RFX6: variants seen among roughly 807,000 people sequenced by gnomAD.
RFX6 encodes regulatory factor X6, also known as DNA-binding protein RFX6.
A neutral mutation model predicts 110.8 loss-of-function variants in RFX6; 50 were observed. The ratio of observed to expected loss-of-function variants is 0.45; its 90% CI spans 0.36 to 0.57. The LOEUF (loss-of-function observed/expected upper bound fraction) is 0.57. Among genes scored for constraint, RFX6 ranks in the 20% least tolerant of loss-of-function variants. The pLI is 0.00. For missense variants in RFX6, 990 were observed against 1,127.0 expected, an observed-to-expected ratio of 0.88 and a Z score of 1.74; for synonymous variants, 383 against 411.2, an observed-to-expected ratio of 0.93 and a Z score of 0.83.
chr6:116,922,698 G>A (rs1345362284), intron 13 of RFX6, among the ~76,000 whole-genome samples: 1 of 152,060 alleles, frequency 6.6e-6, no homozygotes, highest in Non-Finnish European at 1.5e-5. Flanking sequence ...TTATAGTTTG[G>A]AGACTTTTTT....
chr6:116,920,457 A>G lies in RFX6; in HGVS notation c.1327+3A>G, dbSNP rs1289866675. On this transcript the variant is annotated splice_donor_region_variant and intron_variant, in intron 12 of 18. Coordinates refer to ENST00000332958, the MANE Select transcript of RFX6 (RefSeq NM_173560.4). ...TGAATCTGGTATCTACACTGAACGT[A>G]AGTCCATTCTCTTTGTTTAGAACAA... 1 of 1,612,558 alleles carries G rather than the reference A, an allele frequency of 6.2e-7. No homozygotes were observed. Among genetic ancestry groups the G allele is most frequent in the Admixed American group, 1.7e-5 (1 of 60,006 alleles).
chr6:116,922,222 T>C (rs550763898), intron 13 of RFX6, 71 bp downstream of exon 13: 52 of 827,566 alleles, frequency 6.3e-5, no homozygotes, highest in Non-Finnish European at 1.1e-4. Flanking sequence ...CTATAATTTT[T>C]TGTCTGGGGG....
intron 7 of RFX6, 43 bp downstream of exon 7, chr6:116,911,085 G>A: frequency 7.8e-7 from 1 of 1,278,636 alleles, no homozygotes; most frequent in South Asian, 1.2e-5. Context: ...CTGATATGTT[G>A]GCTCCATATG....
intron 10 of RFX6, among the ~76,000 whole-genome samples, chr6:116,918,813 G>A (rs949167228): frequency 1.3e-5 from 2 of 152,026 alleles, no homozygotes; most frequent in Non-Finnish European, 1.5e-5. Flanking sequence ...GATCAATAAT[G>A]TCTTTTAATT....
chr6:116,883,916 C>G (rs188545456), intron 4 of RFX6, among the ~76,000 whole-genome samples: 158 of 152,298 alleles, frequency 1.0e-3, no homozygotes, highest in Non-Finnish European at 1.8e-3. Flanking sequence ...AAAACCTCCA[C>G]TGGCTCATAA....
In RFX6 at chr6:116,877,308, C is replaced by G. The variant is rs776043354; in HGVS notation, c.33C>G (p.Phe11Leu). ...AGGTCCCGGAGCTGGAAGACACCTT[C>G]CTGCAGGCGCAGCCTGCGCCCCAAC... MAKVPELEDTFLQAQPAPQLS... is the reference protein window; with the variant it reads MAKVPELEDTLLQAQPAPQLS... Residue 11 changes from phenylalanine to leucine, a missense_variant, in exon 1 of 19, where the codon TTC becomes TTG. Transcript: ENST00000332958. 1 of 1,612,478 alleles carries G rather than the reference C, an allele frequency of 6.2e-7. No individual in the cohort carries two copies. The highest frequency in any genetic ancestry group is 8.5e-7 in the Non-Finnish European group (1 of 1,179,548).
intron 7 of RFX6, among the ~76,000 whole-genome samples, chr6:116,913,112 C>A (rs1196210383): frequency 2.0e-5 from 3 of 152,150 alleles, no homozygotes; most frequent in African/African-American, 7.2e-5. Context: ...GTTGCCCAGG[C>A]TGGAGTGCAG....
chr6:116,926,033 C>T (rs1264659350), intron 16 of RFX6, among the ~76,000 whole-genome samples: 6 of 152,046 alleles, frequency 3.9e-5, no homozygotes, highest in Non-Finnish European at 5.9e-5. Flanking sequence ...AAAGTAGTTT[C>T]GGGCTGGGTA....
At chr6:116,883,827 C>G (rs544730671) in intron 4 of RFX6, among the ~76,000 whole-genome samples, 2 of 152,260 alleles carry the variant, frequency 1.3e-5, no homozygotes, top group African/African-American at 4.8e-5. Flanking sequence ...GGCCTTGACT[C>G]TGTCTTTCTT....
Position 116,919,181 on chromosome 6 carries a change from G to T in RFX6, c.1067G>T (p.Trp356Leu). ...AATTTTGCTAAAAATTGGGAACAGTGGGTTGTTTCATCCTTGGAAAACTTG... is the reference window on the plus strand; with the variant it reads ...AATTTTGCTAAAAATTGGGAACAGTTGGTTGTTTCATCCTTGGAAAACTTG... ...IRNFAKNWEQ[W>L]VVSSLENLPE... is the part of the protein sequence containing the mutation. The change falls in exon 11 of 19, where the codon TGG becomes TTG. Residue 356 changes from tryptophan to leucine, a missense_variant. Trp to Leu is a moderately conservative substitution (Grantham distance 61). Around this residue, in one of 5 missense-constraint regions of RFX6, gnomAD observed 243 missense variants for 353.1 expected, o/e 0.69. Coordinates refer to ENST00000332958, the MANE Select transcript of RFX6 (RefSeq NM_173560.4). 1 of 1,613,572 alleles carries T rather than the reference G, an allele frequency of 6.2e-7. No individual in the cohort carries two copies. The highest frequency in any genetic ancestry group is 1.1e-5 in the South Asian group (1 of 91,072).
At chr6:116,893,879 CA>C in intron 4 of RFX6, 107 bp from the exon 5 acceptor site, 1 of 766,430 alleles carries the variant, frequency 1.3e-6, no homozygotes, top group Non-Finnish European at 2.4e-6. Context: ...GAAAGGTCAT[CA>C]GGGTTTGCAG....
intron 4 of RFX6, 141 bp downstream of exon 4, chr6:116,882,569 G>GAAAA (rs34335008): frequency 1.1e-5 from 5 of 455,634 alleles, no homozygotes; most frequent in African/African-American, 4.2e-5. Flanking sequence ...TGTGAGAACT[G>GAAAA]AAAAAAAAAA....
At chr6:116,914,301 C>G (rs1775417413) in intron 7 of RFX6, among the ~76,000 whole-genome samples, 1 of 151,994 alleles carries the variant, frequency 6.6e-6, no homozygotes, top group African/African-American at 2.4e-5. Flanking sequence ...GTGTATATAC[C>G]ACATTTTCTT....
chr6:116,892,190 T>C (rs1774845584), intron 4 of RFX6, among the ~76,000 whole-genome samples: 1 of 152,228 alleles, frequency 6.6e-6, no homozygotes, highest in African/African-American at 2.4e-5. Flanking sequence ...CCTTTTTCCT[T>C]CATCTCAAAT....
chr6:116,889,133 G>C (rs1774764844), intron 4 of RFX6, among the ~76,000 whole-genome samples: 1 of 152,102 alleles, frequency 6.6e-6, no homozygotes, highest in Admixed American at 6.6e-5. Context: ...TTCCACCAAA[G>C]TACACCAATT....
At chr6:116,930,420 T>C (rs1416399624) in intron 18 of RFX6, among the ~76,000 whole-genome samples, 3 of 152,106 alleles carry the variant, frequency 2.0e-5, no homozygotes, top group Non-Finnish European at 4.4e-5. Flanking sequence ...GATATGGTGG[T>C]GATCAGGCCA....
At chr6:116,879,603 C>A (rs183928114) in intron 2 of RFX6, among the ~76,000 whole-genome samples, 66 of 151,924 alleles carry the variant, frequency 4.3e-4, no homozygotes, top group Middle Eastern at 6.9e-3. Flanking sequence ...TGAAGGGTTT[C>A]ATCCAATTTT....
chr6:116,919,182 G>T lies in RFX6; in HGVS notation c.1068G>T (p.Trp356Cys). The change falls in exon 11 of 19, where the codon TGG becomes TGT. Residue 356 changes from tryptophan to cysteine, a missense_variant. By Grantham distance (215) the Trp-to-Cys change is radical (BLOSUM62 -2). Around this residue, in one of 5 missense-constraint regions of RFX6, gnomAD observed 243 missense variants for 353.1 expected, o/e 0.69. Coordinates refer to ENST00000332958, the MANE Select transcript of RFX6 (RefSeq NM_173560.4). ...IRNFAKNWEQWVVSSLENLPE... is the reference protein window; with the variant it reads ...IRNFAKNWEQCVVSSLENLPE... ...ATTTTGCTAAAAATTGGGAACAGTGGGTTGTTTCATCCTTGGAAAACTTGC... is the reference window on the plus strand; with the variant it reads ...ATTTTGCTAAAAATTGGGAACAGTGTGTTGTTTCATCCTTGGAAAACTTGC... 1.2e-6 allele frequency: 2 copies of T among 1,613,528 alleles called. No homozygotes were observed. Among genetic ancestry groups the T allele is most frequent in the Non-Finnish European group, 1.7e-6 (2 of 1,179,646 alleles).
intron 4 of RFX6, among the ~76,000 whole-genome samples, chr6:116,893,602 A>G (rs1774876701): frequency 6.6e-6 from 1 of 152,240 alleles, no homozygotes. Flanking sequence ...AAAGAAAACC[A>G]TAGCATTTTC....
Sources: gnomAD v4.1 joint callset for allele counts (sites outside exome capture counted in the v4.1 genomes callset) on GRCh38, gnomAD v4.1.1 for gene constraint, gnomAD v4.1.1 regional missense constraint, MANE v1.5 for transcripts, NCBI Gene and HGNC (gene_info 2026-07-23, HGNC 2026-07-21) for gene names.